ZC3H12B: variants seen among roughly 807,000 people sequenced by gnomAD.
ZC3H12B encodes the protein probable ribonuclease ZC3H12B.
A neutral mutation model predicts 43.9 loss-of-function variants in ZC3H12B; 7 were observed. That is an observed-to-expected ratio of 0.16 (90% CI 0.09 to 0.30). The LOEUF (loss-of-function observed/expected upper bound fraction) is 0.30, where lower values mean the gene tolerates loss of function less well. Ranked by LOEUF, ZC3H12B falls within the 10% of genes least tolerant of loss-of-function variation. ZC3H12B has a pLI of 1.00. For synonymous variants in ZC3H12B, 222 were observed against 241.7 expected (o/e 0.92, Z 0.76); for missense variants, 475 against 670.2 (o/e 0.71, Z 3.22).
chrX:65,088,753 T>A, the ZC3H12B span, among the ~76,000 whole-genome samples: 1 of 111,586 alleles, frequency 9.0e-6, no homozygotes, highest in Non-Finnish European at 1.9e-5. Context: ...GATGGTTTTT[T>A]TCGCCTTCTG....
the ZC3H12B span, among the ~76,000 whole-genome samples, chrX:65,245,923 TA>T: frequency 1.9e-3 from 198 of 102,569 alleles, no homozygotes; most frequent in South Asian, 8.4e-3. Context: ...TTAAAATATT[TA>T]AAAAAAAAAA....
chrX:65,318,283 T>G, the ZC3H12B span, among the ~76,000 whole-genome samples: 1 of 110,436 alleles, frequency 9.1e-6, no homozygotes, highest in East Asian at 2.9e-4. Context: ...TTCGTGATGT[T>G]GAGCACTTTT....
intron 3 of ZC3H12B, among the ~76,000 whole-genome samples, chrX:65,451,604 T>C (rs1246420275): frequency 9.0e-6 from 1 of 111,710 alleles, no homozygotes; most frequent in Non-Finnish European, 1.9e-5. Context: ...CCTTCCAAAG[T>C]GTTTGTATTA....
intron 3 of ZC3H12B, among the ~76,000 whole-genome samples, chrX:65,449,301 C>T (rs1454739108): frequency 1.8e-5 from 2 of 110,834 alleles, no homozygotes; most frequent in Non-Finnish European, 3.8e-5. Context: ...TACCCCTGAA[C>T]TTAAAATACA....
the ZC3H12B span, among the ~76,000 whole-genome samples, chrX:65,038,133 A>G: frequency 9.0e-6 from 1 of 111,323 alleles, no homozygotes; most frequent in Non-Finnish European, 1.9e-5. Flanking sequence ...GTAGAGAGGT[A>G]TGTCTCCTAA....
the ZC3H12B span, among the ~76,000 whole-genome samples, chrX:65,142,325 G>A: frequency 1.8e-5 from 2 of 111,850 alleles, no homozygotes; most frequent in Non-Finnish European, 1.9e-5. Context: ...GTCTAGACAT[G>A]TCCTTAGCCC....
At chrX:65,186,233 C>G in the ZC3H12B span, 1 of 111,096 alleles carries the variant, frequency 9.0e-6, no homozygotes, top group Admixed American at 9.6e-5. Context: ...TGGCTCACAC[C>G]TGTAATCCAG....
chrX:65,426,471 T>C (rs578245107), intron 3 of ZC3H12B, among the ~76,000 whole-genome samples: 1 of 108,805 alleles, frequency 9.2e-6, no homozygotes, highest in East Asian at 2.9e-4. Context: ...ACTATCTCCT[T>C]CAATTCAGCT....
the ZC3H12B span, among the ~76,000 whole-genome samples, chrX:65,242,141 A>G: frequency 9.0e-6 from 1 of 110,518 alleles, no homozygotes; most frequent in South Asian, 3.9e-4. Flanking sequence ...CGGGTGGGCT[A>G]TCACCCCACC....
At chrX:65,440,108 T>C (rs952489921) in intron 3 of ZC3H12B, among the ~76,000 whole-genome samples, 1 of 112,372 alleles carries the variant, frequency 8.9e-6, no homozygotes, top group Non-Finnish European at 1.9e-5. Context: ...TCCTCCTTTT[T>C]TGTTTTTGTC....
At chrX:65,497,836 A>G (rs2068311111) in intron 2 of ZC3H12B, among the ~76,000 whole-genome samples, 1 of 112,223 alleles carries the variant, frequency 8.9e-6, no homozygotes, top group Non-Finnish European at 1.9e-5. Flanking sequence ...ATGCATGTAC[A>G]ATGATGTATC....
At chrX:65,058,882 G>A in the ZC3H12B span, among the ~76,000 whole-genome samples, 7 of 112,223 alleles carry the variant, frequency 6.2e-5, no homozygotes, top group East Asian at 1.1e-3. Context: ...AGCCAGGCGC[G>A]GGATATAATC....
chrX:65,300,310 C>A, the ZC3H12B span, among the ~76,000 whole-genome samples: 1 of 111,983 alleles, frequency 8.9e-6, no homozygotes, highest in African/African-American at 3.2e-5. Flanking sequence ...TGGATATAAA[C>A]TTGGTGCTGT....
chrX:65,036,101 G>T, the ZC3H12B span, among the ~76,000 whole-genome samples: 1 of 111,768 alleles, frequency 8.9e-6, no homozygotes, highest in African/African-American at 3.3e-5. Context: ...TTGGCATGAG[G>T]CACCGGAAGT....
chrX:65,267,261 C>G, the ZC3H12B span, among the ~76,000 whole-genome samples: 1 of 102,597 alleles, frequency 9.7e-6, no homozygotes, highest in South Asian at 4.3e-4. Flanking sequence ...TAGCTGGCTG[C>G]TAAGCTGACA....
chrX:65,108,561 A>G, the ZC3H12B span, among the ~76,000 whole-genome samples: 3 of 109,815 alleles, frequency 2.7e-5, no homozygotes, highest in Non-Finnish European at 5.7e-5. Flanking sequence ...ACATGCATGA[A>G]GCTGTCACCT....
the ZC3H12B span, among the ~76,000 whole-genome samples, chrX:65,244,727 CAAAAAAAAAAA>C: frequency 4.4e-4 from 9 of 20,370 alleles, 1 homozygote; most frequent in African/African-American, 1.2e-3. Context: ...AATACCTTGC[CAAAAAAAAAAA>C]AAAAAAAAAA....
At chrX:65,228,217 G>A in the ZC3H12B span, among the ~76,000 whole-genome samples, 1 of 111,884 alleles carries the variant, frequency 8.9e-6, no homozygotes, top group Non-Finnish European at 1.9e-5. Flanking sequence ...TGGGATGCAA[G>A]GCTGGTTCAA....
intron 1 of ZC3H12B, among the ~76,000 whole-genome samples, chrX:65,491,217 G>A (rs1421683380): frequency 8.9e-6 from 1 of 111,853 alleles, no homozygotes; most frequent in African/African-American, 3.3e-5. Flanking sequence ...TTTTACGTAT[G>A]TGAATTAATC....
Sources: gnomAD v4.1 joint callset for allele counts (sites outside exome capture counted in the v4.1 genomes callset) on GRCh38, gnomAD v4.1.1 for gene constraint, MANE v1.5 for transcripts, NCBI Gene and HGNC (gene_info 2026-07-23, HGNC 2026-07-21) for gene names.